PITPNC1: variants seen among roughly 807,000 people sequenced by gnomAD.
PITPNC1 encodes the protein cytoplasmic phosphatidylinositol transfer protein 1.
PITPNC1 carries 18 observed loss-of-function variants against 44.7 expected under a neutral mutation model. The observed-to-expected ratio is 0.40, with a 90% CI of 0.28 to 0.60. PITPNC1 has a LOEUF of 0.60. Among genes scored for constraint, PITPNC1 ranks in the 20% least tolerant of loss-of-function variants. The pLI is 0.39. For synonymous variants in PITPNC1, 141 were observed against 149.6 expected (o/e 0.94, Z 0.42); for missense variants, 290 against 418.4 (o/e 0.69, Z 2.68).
At chr17:67,684,303 G>A (rs1002192231) in intron 8 of PITPNC1, among the ~76,000 whole-genome samples, 3 of 151,872 alleles carry the variant, frequency 2.0e-5, no homozygotes, top group East Asian at 3.9e-4. Context: ...AGTAGAGACA[G>A]GGTTTCACCA....
intron 6 of PITPNC1, among the ~76,000 whole-genome samples, chr17:67,659,356 A>G (rs147543248): frequency 2.6e-5 from 4 of 152,272 alleles, no homozygotes; most frequent in African/African-American, 4.8e-5. Flanking sequence ...CTTTCACTCA[A>G]CGTGGTCTCA....
At chr17:67,552,634 A>C (rs1371333936) in intron 3 of PITPNC1, among the ~76,000 whole-genome samples, 5 of 152,010 alleles carry the variant, frequency 3.3e-5, no homozygotes, top group African/African-American at 4.8e-5. Flanking sequence ...TAATCCCAGC[A>C]CTTTGGGAGG....
chr17:67,381,079 G>T (rs2037951140), intron 1 of PITPNC1, among the ~76,000 whole-genome samples: 1 of 151,750 alleles, frequency 6.6e-6, no homozygotes, highest in Admixed American at 6.6e-5. Context: ...TGTAATCCCA[G>T]CACTTGGGGA....
At chr17:67,502,348 T>C (rs1468568686) in intron 1 of PITPNC1, among the ~76,000 whole-genome samples, 1 of 152,140 alleles carries the variant, frequency 6.6e-6, no homozygotes, top group East Asian at 1.9e-4. Flanking sequence ...AGCACAGTCA[T>C]TTCCAGGAAA....
At chr17:67,482,879 C>T (rs1242750049) in intron 1 of PITPNC1, among the ~76,000 whole-genome samples, 1 of 152,176 alleles carries the variant, frequency 6.6e-6, no homozygotes, top group East Asian at 1.9e-4. Flanking sequence ...TACTGCAATG[C>T]AGAGAGGTCA....
At position 67,507,900 on chromosome 17, in the gene PITPNC1, C is replaced by T. The variant is rs2040128434; in HGVS notation, c.49-24902C>T. 2.0e-5 allele frequency among the ~76,000 whole-genome samples: 3 copies of T among 151,956 alleles called. 1 individual carries two copies. The South Asian group carries it at 6.2e-4, about 32-fold the overall frequency. ...CCCATCGCTCCATGGCTTCACTGAC[C>T]ATCTGAGTGCTGTGGTCTTCTGACC... On this transcript the variant is annotated intron_variant, in intron 1 of 8. Transcript: ENST00000581322.
rs1267996204 is a variant in PITPNC1, at chr17:67,695,181, A to G, written c.*2293A>G. On this transcript the variant is annotated 3_prime_UTR_variant, in exon 9 of 9. Transcript: ENST00000581322. ...ACGATGATAGTGTGATTCTTAGCCGAAAAAAAAGCGTGTGCTCTTAAAGTA... is the reference window on the plus strand; with the variant it reads ...ACGATGATAGTGTGATTCTTAGCCGGAAAAAAAGCGTGTGCTCTTAAAGTA... The G allele has an allele frequency of 3.3e-5, 5 of 151,970 alleles. No individual in the cohort carries two copies. The highest frequency in any genetic ancestry group is 1.9e-4 in the East Asian group (1 of 5,190). 9.4% of individuals were successfully genotyped at this position (151,970 alleles called of 1,614,324 possible). A position where few individuals can be genotyped will look rare whatever the true frequency, so the allele number is the denominator to read the frequency against.
chr17:67,503,625 C>T (rs552107102), intron 1 of PITPNC1, among the ~76,000 whole-genome samples: 8 of 152,032 alleles, frequency 5.3e-5, no homozygotes, highest in Non-Finnish European at 7.4e-5. Flanking sequence ...AATCACAAAG[C>T]GATTACCCAG....
chr17:67,576,995 G>A (rs959606311), intron 4 of PITPNC1, among the ~76,000 whole-genome samples: 2 of 152,132 alleles, frequency 1.3e-5, no homozygotes, highest in African/African-American at 4.8e-5. Context: ...TAAAAGCCAG[G>A]TCTCGCCCGG....
chr17:67,460,748 T>C (rs1209509428), intron 1 of PITPNC1, among the ~76,000 whole-genome samples: 9 of 92,622 alleles, frequency 9.7e-5, no homozygotes, highest in East Asian at 4.2e-4. Context: ...TTCTTTTTTT[T>C]TTTTTTTTTT....
At chr17:67,453,772 A>C (rs2039217239) in intron 1 of PITPNC1, among the ~76,000 whole-genome samples, 2 of 152,200 alleles carry the variant, frequency 1.3e-5, no homozygotes, top group Non-Finnish European at 2.9e-5. Flanking sequence ...GGAGGAAAAC[A>C]TTTTGCTTAA....
Position 67,599,019 on chromosome 17 carries a change from TA to T in PITPNC1, c.366+20763del, listed in dbSNP as rs1568059295. Among the ~76,000 whole-genome samples the T allele has an allele frequency of 8.2e-3, 307 of 37,324 alleles. 1 individual carries two copies. Among genetic ancestry groups the T allele is most frequent in the African/African-American group, 0.038 (283 of 7,540 alleles). 24.5% of individuals were successfully genotyped at this position (37,324 alleles called of 152,430 possible). A position where few individuals can be genotyped will look rare whatever the true frequency, so the allele number is the denominator to read the frequency against. On this transcript the variant is annotated intron_variant, in intron 5 of 8. Transcript: ENST00000581322. ...AGAAATACATATATATATATATATA[TA>T]TATATATATATATATTTTTTTTTTT...
chr17:67,450,523 T>C (rs2039160619), intron 1 of PITPNC1, among the ~76,000 whole-genome samples: 1 of 152,096 alleles, frequency 6.6e-6, no homozygotes, highest in East Asian at 1.9e-4. Context: ...CCTCTCCGGC[T>C]CAAGCGATCC....
intron 1 of PITPNC1, among the ~76,000 whole-genome samples, chr17:67,518,167 A>T (rs560626004): frequency 5.9e-5 from 9 of 152,270 alleles, no homozygotes; most frequent in African/African-American, 1.9e-4. Flanking sequence ...TCAAAATAAT[A>T]CTGAAAACAG....
chr17:67,550,535 T>G (rs151148593), intron 2 of PITPNC1, among the ~76,000 whole-genome samples: 91 of 151,950 alleles, frequency 6.0e-4, no homozygotes, highest in Non-Finnish European at 9.0e-4. Context: ...TTCTGTTAGC[T>G]CCATGTCCCT....
At chr17:67,678,672 C>T (rs1437668913) in intron 8 of PITPNC1, among the ~76,000 whole-genome samples, 2 of 152,230 alleles carry the variant, frequency 1.3e-5, no homozygotes, top group Non-Finnish European at 2.9e-5. Flanking sequence ...ATGGAAATGA[C>T]TCCTGTCCAC....
intron 2 of PITPNC1, among the ~76,000 whole-genome samples, chr17:67,547,916 T>C (rs1329871114): frequency 1.3e-5 from 2 of 152,164 alleles, no homozygotes; most frequent in Admixed American, 1.3e-4. Flanking sequence ...TTCAAAACCT[T>C]GTTGCTGCTG....
chr17:67,626,868 A>G (rs1186550296), intron 5 of PITPNC1, among the ~76,000 whole-genome samples: 1 of 151,978 alleles, frequency 6.6e-6, no homozygotes, highest in African/African-American at 2.4e-5. Context: ...TATTCCTGCC[A>G]TAGAGTCCTC....
chr17:67,499,408 G>T (rs538320930), intron 1 of PITPNC1, among the ~76,000 whole-genome samples: 8 of 149,616 alleles, frequency 5.3e-5, no homozygotes, highest in Admixed American at 1.3e-4. Flanking sequence ...TAGAGACAGG[G>T]GTCTCACCAT....
Sources: gnomAD v4.1 joint callset for allele counts (sites outside exome capture counted in the v4.1 genomes callset) on GRCh38, gnomAD v4.1.1 for gene constraint, MANE v1.5 for transcripts, NCBI Gene and HGNC (gene_info 2026-07-23, HGNC 2026-07-21) for gene names.